The following TTC29 variants were observed in gnomAD, a reference collection of about 807,000 sequenced individuals.
The protein encoded by TTC29 is tetratricopeptide repeat domain 29.
TTC29 carries 49 observed loss-of-function variants against 58.1 expected under a neutral mutation model. The observed-to-expected ratio is 0.84, with a 90% CI of 0.67 to 1.07. The LOEUF is 1.07. TTC29 is among the 50% of genes least tolerant of loss of function. The pLI, the probability that TTC29 is intolerant of heterozygous loss-of-function variation, is 0.00. For synonymous variants in TTC29, 209 were observed against 196.8 expected (o/e 1.06, Z -0.52); for missense variants, 582 against 555.6 (o/e 1.05, Z -0.48).
At chr4:146,787,406 G>C (rs975869792) in intron 11 of TTC29, among the ~76,000 whole-genome samples, 1 of 152,046 alleles carries the variant, frequency 6.6e-6, no homozygotes, top group African/African-American at 2.4e-5. Flanking sequence ...GTTTGCATCT[G>C]TGTGTGTGTG....
At chr4:146,787,386 A>T (rs1021718186) in intron 11 of TTC29, among the ~76,000 whole-genome samples, 1 of 152,158 alleles carries the variant, frequency 6.6e-6, no homozygotes, top group Non-Finnish European at 1.5e-5. Context: ...TAAAAATTGT[A>T]TGCGTGTGTG....
intron 2 of TTC29, 146 bp downstream of exon 2, chr4:146,944,885 C>T (rs1254229141): frequency 3.3e-5 from 5 of 151,482 alleles, no homozygotes; most frequent in Non-Finnish European, 2.9e-5. Context: ...AATTTTTGGA[C>T]ACTTCTGGCA....
chr4:146,749,575 G>A (rs1222858190), intron 11 of TTC29, among the ~76,000 whole-genome samples: 2 of 152,004 alleles, frequency 1.3e-5, no homozygotes, highest in African/African-American at 4.8e-5. Flanking sequence ...TTGAATTATG[G>A]GACTTCCAGA....
chr4:146,826,931 C>T (rs1208255962), intron 9 of TTC29, among the ~76,000 whole-genome samples: 3 of 151,806 alleles, frequency 2.0e-5, no homozygotes, highest in African/African-American at 7.3e-5. Flanking sequence ...AGTTCTCATG[C>T]TGTGTTTTTC....
At chr4:146,881,246 C>T (rs112078454) in intron 6 of TTC29, among the ~76,000 whole-genome samples, 241 of 152,158 alleles carry the variant, frequency 1.6e-3, no homozygotes, top group East Asian at 2.7e-3. Flanking sequence ...CCTTTTCTAT[C>T]GACTTGTACA....
chr4:146,732,824 C>T (rs1359623562), intron 11 of TTC29, among the ~76,000 whole-genome samples: 1 of 152,078 alleles, frequency 6.6e-6, no homozygotes, highest in African/African-American at 2.4e-5. Context: ...GGAATACAGC[C>T]TTATTACCTG....
chr4:146,798,390 C>A (rs1422533356), intron 11 of TTC29, among the ~76,000 whole-genome samples: 1 of 151,930 alleles, frequency 6.6e-6, no homozygotes, highest in African/African-American at 2.4e-5. Context: ...CTCAAGAGTG[C>A]CAACCAGGGA....
At chr4:146,930,742 T>A (rs1735277546) in intron 4 of TTC29, among the ~76,000 whole-genome samples, 1 of 152,222 alleles carries the variant, frequency 6.6e-6, no homozygotes, top group Non-Finnish European at 1.5e-5. Context: ...TAAAACCATC[T>A]TGCCCCATAC....
At chr4:146,758,788 C>G (rs1160584637) in intron 11 of TTC29, among the ~76,000 whole-genome samples, 1 of 152,020 alleles carries the variant, frequency 6.6e-6, no homozygotes, top group Non-Finnish European at 1.5e-5. Flanking sequence ...ATTCTTCGAA[C>G]TTAATGACAA....
chr4:146,940,437 T>C (rs1420899053), intron 2 of TTC29, among the ~76,000 whole-genome samples: 3 of 152,216 alleles, frequency 2.0e-5, no homozygotes, highest in African/African-American at 7.2e-5. Context: ...GCCATAACAA[T>C]ATAATGAATC....
At chr4:146,851,161 G>A (rs1451032761) in intron 8 of TTC29, among the ~76,000 whole-genome samples, 1 of 152,180 alleles carries the variant, frequency 6.6e-6, no homozygotes, top group African/African-American at 2.4e-5. Flanking sequence ...AACATTTATT[G>A]AGGAAGTAGC....
chr4:146,742,131 T>C (rs1178544776), intron 11 of TTC29, among the ~76,000 whole-genome samples: 1 of 152,246 alleles, frequency 6.6e-6, no homozygotes, highest in African/African-American at 2.4e-5. Flanking sequence ...TTTGCATCAC[T>C]ATTACATTTG....
At chr4:146,804,211 T>G (rs1750437693) in intron 10 of TTC29, among the ~76,000 whole-genome samples, 1 of 152,196 alleles carries the variant, frequency 6.6e-6, no homozygotes, top group Non-Finnish European at 1.5e-5. Flanking sequence ...TGGTGCTCTG[T>G]GGCCCAGGTA....
chr4:146,903,623 A>C lies in TTC29; in HGVS notation c.507T>G (p.Ile169Met). 1 of 1,613,168 alleles carries C rather than the reference A, an allele frequency of 6.2e-7. No homozygotes were observed. The highest frequency in any genetic ancestry group is 8.5e-7 in the Non-Finnish European group (1 of 1,179,496). Residue 169 changes from isoleucine (I) to methionine (M), a missense_variant, in exon 6 of 13, where the codon ATT (isoleucine) becomes ATG (methionine). Transcript: ENST00000325106. ...CACAGTCAATTTTGATCAGCTGAGC[A>C]ATCTTAAAACATCGTTCATAGAAGT... ...RNHFYERCFK[I>M]AQLIKIDCGK...
intron 11 of TTC29, among the ~76,000 whole-genome samples, chr4:146,731,006 T>C (rs1744290941): frequency 6.6e-6 from 1 of 152,180 alleles, no homozygotes; most frequent in African/African-American, 2.4e-5. Flanking sequence ...CTGATGAGAA[T>C]GATCTACAGA....
intron 6 of TTC29, among the ~76,000 whole-genome samples, chr4:146,901,284 G>A (rs952688813): frequency 1.1e-4 from 16 of 152,086 alleles, no homozygotes; most frequent in African/African-American, 3.9e-4. Context: ...TATCTCCCCA[G>A]TGTGTACATT....
chr4:146,736,319 C>T (rs538549111), intron 11 of TTC29, among the ~76,000 whole-genome samples: 4 of 151,796 alleles, frequency 2.6e-5, no homozygotes, highest in Non-Finnish European at 5.9e-5. Flanking sequence ...AAAATAAGGG[C>T]TGATAGGATT....
chr4:146,935,333 CA>C (rs1735707362), intron 4 of TTC29, among the ~76,000 whole-genome samples: 1 of 152,118 alleles, frequency 6.6e-6, no homozygotes, highest in Non-Finnish European at 1.5e-5. Context: ...CAGTGTACAT[CA>C]ATTGTATTAA....
chr4:146,796,561 GA>G (rs1469269243), intron 11 of TTC29, among the ~76,000 whole-genome samples: 1 of 151,748 alleles, frequency 6.6e-6, no homozygotes, highest in Non-Finnish European at 1.5e-5. Flanking sequence ...CATGACTACT[GA>G]AAAAAAATTT....
Sources: allele counts gnomAD v4.1 joint callset (sites outside exome capture counted in the v4.1 genomes callset), GRCh38; gene constraint gnomAD v4.1.1; transcripts MANE v1.5; gene names NCBI Gene and HGNC (gene_info 2026-07-23, HGNC 2026-07-21).